Variants in PCDHGA6 observed in about 807,000 individuals in gnomAD.
PCDHGA6 encodes the protein protocadherin gamma-A6.
PCDHGA6 carries 41 observed loss-of-function variants against 60.6 expected under a neutral mutation model. The ratio of observed to expected loss-of-function variants is 0.68; its 90% CI spans 0.53 to 0.88. PCDHGA6 has a LOEUF of 0.88. PCDHGA6 is among the 40% of genes least tolerant of loss of function. The pLI is 0.00. For missense variants in PCDHGA6, 1,312 were observed against 1,203.0 expected, an observed-to-expected ratio of 1.09 and a Z score of -1.34; for synonymous variants, 594 against 524.4, an observed-to-expected ratio of 1.13 and a Z score of -1.81.
In PCDHGA6 at chr5:141,477,247, T is replaced by C; in HGVS notation, c.2425-17560T>C. On this transcript the variant is annotated intron_variant, in intron 1 of 3. Transcript: ENST00000517434. This position sits in a 1 kb window ranked among gnomAD's most constrained non-coding sequence, Gnocchi z 4.9. ...CTGTCATCGCTTTGCTCAGTGTGAC[T>C]GACCTGGATGCTGGCGAGAACGGGC... The C allele has an allele frequency of 6.2e-7, 1 of 1,614,208 alleles. No individual in the cohort carries two copies. Among genetic ancestry groups the C allele is most frequent in the Non-Finnish European group, 8.5e-7 (1 of 1,180,040 alleles).
intron 1 of PCDHGA6, chr5:141,413,704 A>C (rs749988351): frequency 6.2e-7 from 1 of 1,613,616 alleles, no homozygotes; most frequent in South Asian, 1.1e-5. Flanking sequence ...CTATCAGCTC[A>C]GCCCCAATAA....
intron 1 of PCDHGA6, chr5:141,427,070 G>A (rs929936578): frequency 3.1e-5 from 14 of 457,822 alleles, no homozygotes; most frequent in Non-Finnish European, 6.2e-5. Context: ...TACTAAAGGT[G>A]ACAGCCACTG....
chr5:141,415,270 G>A (rs1044469814), intron 1 of PCDHGA6: 1 of 1,614,118 alleles, frequency 6.2e-7, no homozygotes, highest in Non-Finnish European at 8.5e-7. Flanking sequence ...GTACCTGGTG[G>A]TAGCGGTGGC....
In PCDHGA6 at chr5:141,390,133, A is replaced by G. The variant is rs1394678030; in HGVS notation, c.2424+13626A>G. ...AGCGAGGGGACTTTGCCTTATTCCT[A>G]CAATCTATGTGTTGCACATACAGGA... On this transcript the variant is annotated intron_variant, in intron 1 of 3. Coordinates refer to ENST00000517434, the MANE Select transcript of PCDHGA6 (RefSeq NM_018919.3). The G allele has an allele frequency of 3.1e-6, 5 of 1,614,040 alleles. No individual in the cohort carries two copies. The South Asian group carries it at 5.5e-5, about 18-fold the overall frequency.
At position 141,375,371 on chromosome 5, in the gene PCDHGA6, C is replaced by A. The variant is rs776202756; in HGVS notation, c.1288C>A (p.Pro430Thr). Residue 430 changes from proline (P) to threonine (T), a missense_variant, in exon 1 of 4, where the codon CCA becomes ACA. Coordinates refer to ENST00000517434, the MANE Select transcript of PCDHGA6 (RefSeq NM_018919.3). ...ITVTATDKGT[P>T]PLSTETIISL... is the part of the protein sequence containing the mutation. ...TGTGACAGCCACGGACAAAGGAACA[C>A]CACCTCTGTCTACAGAAACAATCAT... is the stretch of plus-strand genomic sequence containing the variant. 6.2e-7 allele frequency: 1 copy of A among 1,613,880 alleles called. No individual in the cohort carries two copies. The highest frequency in any genetic ancestry group is 1.3e-5 in the African/African-American group (1 of 75,046).
chr5:141,427,099 A>G (rs989437547), intron 1 of PCDHGA6: 3 of 457,936 alleles, frequency 6.6e-6, no homozygotes, highest in African/African-American at 6.0e-5. Context: ...GAGGGTGTCA[A>G]TGCGGAGATC....
chr5:141,407,355 A>C (rs991392072), intron 1 of PCDHGA6, among the ~76,000 whole-genome samples: 8 of 152,198 alleles, frequency 5.3e-5, no homozygotes, highest in Non-Finnish European at 1.0e-4. Context: ...TTTGGGGAAA[A>C]CATAACAGAT....
rs1196083589 is a variant in PCDHGA6, at chr5:141,486,525, A to G, written c.2425-8282A>G. On this transcript the variant is annotated intron_variant, in intron 1 of 3. Coordinates refer to ENST00000517434, the MANE Select transcript of PCDHGA6 (RefSeq NM_018919.3). This position sits in a 1 kb window ranked among gnomAD's most constrained non-coding sequence, Gnocchi z 5.0. ...CTCAATATTTCAGATGTGAATGATA[A>G]TCCACCCTCTTTCTTTCAGAGGTCA... 1 of 1,614,158 alleles carries G rather than the reference A, an allele frequency of 6.2e-7. No individual in the cohort carries two copies. Among genetic ancestry groups the G allele is most frequent in the African/African-American group, 1.3e-5 (1 of 75,054 alleles).
chr5:141,490,051 G>A lies in PCDHGA6; in HGVS notation c.2425-4756G>A, dbSNP rs779280988. The A allele has an allele frequency of 6.2e-6, 10 of 1,614,094 alleles. No homozygotes were observed. Among genetic ancestry groups the A allele is most frequent in the Admixed American group, 5.0e-5 (3 of 60,012 alleles). ...CCGCCTCAATGCCACTGATCCAGAC[G>A]AGGGCACCAACGGCCAACTAGACTA... On this transcript the variant is annotated intron_variant, in intron 1 of 3. Coordinates refer to ENST00000517434, the MANE Select transcript of PCDHGA6 (RefSeq NM_018919.3). The surrounding 1 kb of genome is among the most constrained non-coding windows in gnomAD (Gnocchi z 5.4).
At chr5:141,415,157 C>T in intron 1 of PCDHGA6, 1 of 1,613,864 alleles carries the variant, frequency 6.2e-7, no homozygotes, top group Non-Finnish European at 8.5e-7. Flanking sequence ...CTCTCCGCCA[C>T]TGTCACGCTC....
intron 1 of PCDHGA6, among the ~76,000 whole-genome samples, chr5:141,425,219 G>T (rs779272038): frequency 2.0e-5 from 3 of 152,148 alleles, no homozygotes; most frequent in Non-Finnish European, 2.9e-5. Context: ...ATTGTACTTT[G>T]ACTGGAATTA....
In PCDHGA6 at chr5:141,423,840, A is replaced by G. The variant is rs189449471; in HGVS notation, c.2424+47333A>G. ...CTTTGCCTTTCATGAGATTACGATA[A>G]TCTTTCAGAACGTTTTTGTGAAAGT... On this transcript the variant is annotated intron_variant, in intron 1 of 3. Coordinates refer to ENST00000517434, the MANE Select transcript of PCDHGA6 (RefSeq NM_018919.3). 1,637 of 1,279,840 alleles carry G rather than the reference A, an allele frequency of 1.3e-3. 3 individuals carry two copies. The highest frequency in any genetic ancestry group is 1.5e-3 in the Non-Finnish European group (1,519 of 1,009,392). 79.3% of individuals were successfully genotyped at this position (1,279,840 alleles called of 1,614,324 possible).
rs2150078832 is a variant in PCDHGA6, at chr5:141,376,259, C to T, written c.2176C>T (p.Gln726Ter). 6.2e-7 allele frequency: 1 copy of T among 1,614,236 alleles called. No homozygotes were observed. The highest frequency in any genetic ancestry group is 1.3e-5 in the African/African-American group (1 of 75,066). Residue 726 changes from glutamine (Q) to a stop codon, truncating the protein, a stop_gained, in exon 1 of 4, where the codon CAG becomes TAG. Coordinates refer to ENST00000517434, the MANE Select transcript of PCDHGA6 (RefSeq NM_018919.3). LOFTEE classifies it high-confidence loss of function. ...LQRWHKSRLLQASGGGLASMP... is the reference protein window; with the variant it reads ...LQRWHKSRLL ...GCGCTGGCACAAGTCACGCCTGCTG[C>T]AGGCTTCGGGAGGTGGCTTAGCGAG...
chr5:141,478,497 C>A (rs746475685), intron 1 of PCDHGA6: 2 of 1,612,820 alleles, frequency 1.2e-6, no homozygotes, highest in Non-Finnish European at 1.7e-6. Context: ...AGCTGTGATC[C>A]GGTGTTCTAT....
In PCDHGA6 at chr5:141,374,747, C is replaced by G; in HGVS notation, c.664C>G (p.Arg222Gly). ...TGCCATGGATGGCGGCGACCCTGTC[C>G]GCTCAAGCGTCGCCCAAATTCTGGT... is the stretch of plus-strand genomic sequence containing the variant. ...LTAMDGGDPVRSSVAQILVTV... is the reference protein window; with the variant it reads ...LTAMDGGDPVGSSVAQILVTV... The change falls in exon 1 of 4, where the codon CGC becomes GGC. Residue 222 changes from arginine (R) to glycine (G), a missense_variant. By Grantham distance (125) the Arg-to-Gly change is moderately radical (BLOSUM62 -2). Transcript: ENST00000517434. The G allele has an allele frequency of 6.2e-7, 1 of 1,612,140 alleles. No individual in the cohort carries two copies. Among genetic ancestry groups the G allele is most frequent in the Non-Finnish European group, 8.5e-7 (1 of 1,179,074 alleles).
At chr5:141,377,657 C>T (rs946526132) in intron 1 of PCDHGA6, 5 of 151,160 alleles carry the variant, frequency 3.3e-5, no homozygotes, top group East Asian at 1.9e-4. Flanking sequence ...TAACTATAAA[C>T]GACAGACGTT....
chr5:141,459,259 G>T (rs996530664), intron 1 of PCDHGA6, among the ~76,000 whole-genome samples: 1 of 152,140 alleles, frequency 6.6e-6, no homozygotes, highest in Non-Finnish European at 1.5e-5. Context: ...ATAAATTAGT[G>T]TTGCCTCTTT....
intron 1 of PCDHGA6, among the ~76,000 whole-genome samples, chr5:141,401,627 G>A (rs998564450): frequency 6.6e-6 from 1 of 152,176 alleles, no homozygotes; most frequent in African/African-American, 2.4e-5. Flanking sequence ...TTGTCTTATC[G>A]TTTGGAGCTT....
In PCDHGA6 at chr5:141,432,167, T is replaced by G. The variant is rs559707772; in HGVS notation, c.2424+55660T>G. The G allele has an allele frequency of 1.4e-5, 22 of 1,613,962 alleles. No homozygotes were observed. The highest frequency in any genetic ancestry group is 9.3e-5 in the African/African-American group (7 of 74,972). On this transcript the variant is annotated intron_variant, in intron 1 of 3. Coordinates refer to ENST00000517434, the MANE Select transcript of PCDHGA6 (RefSeq NM_018919.3). The surrounding 1 kb of genome is among the most constrained non-coding windows in gnomAD (Gnocchi z 6.0). Reference sequence around the variant, plus strand: ...CCCAGAGAACAATCCCAGAGGAGTTTCCCTCGTCTCTGTGACCGCCCACGA... The same window carrying G: ...CCCAGAGAACAATCCCAGAGGAGTTGCCCTCGTCTCTGTGACCGCCCACGA...
Sources: allele counts gnomAD v4.1 joint callset (sites outside exome capture counted in the v4.1 genomes callset), GRCh38; gene constraint gnomAD v4.1.1; non-coding constraint Gnocchi (gnomAD v3.1); transcripts MANE v1.5; gene names NCBI Gene and HGNC (gene_info 2026-07-23, HGNC 2026-07-21).